Variants in XPO7 observed in about 807,000 individuals in gnomAD.
The protein encoded by XPO7 is exportin 7.
XPO7 carries 21 observed loss-of-function variants against 144.3 expected under a neutral mutation model. The ratio of observed to expected loss-of-function variants is 0.15; its 90% CI spans 0.10 to 0.21. The LOEUF (loss-of-function observed/expected upper bound fraction) is 0.21, where lower values mean the gene tolerates loss of function less well. Among genes scored for constraint, XPO7 ranks in the 10% least tolerant of loss-of-function variants. The pLI, the probability that XPO7 is intolerant of heterozygous loss-of-function variation, is 1.00. For missense variants in XPO7, 808 were observed against 1,325.8 expected (o/e 0.61, Z 6.06); for synonymous variants, 580 against 499.6 (o/e 1.16, Z -2.15).
At chr8:21,999,492 T>G in intron 23 of XPO7, 44 bp from the exon 24 acceptor site, 6 of 1,611,152 alleles carry the variant, frequency 3.7e-6, no homozygotes, top group Non-Finnish European at 4.2e-6. Flanking sequence ...CATGCTGGAG[T>G]GCATAGTGCC....
Position 21,946,059 on chromosome 8 carries a change from G to A in XPO7, c.19-20798G>A, listed in dbSNP as rs1315590728. ...CAGAAACAGGAAAATGGAGGTACTCGGGATTTCCATAGATTTATGTCAACA... is the reference window on the plus strand; with the variant it reads ...CAGAAACAGGAAAATGGAGGTACTCAGGATTTCCATAGATTTATGTCAACA... On this transcript the variant is annotated intron_variant, in intron 1 of 27. Transcript: ENST00000252512. Among the ~76,000 whole-genome samples the A allele has an allele frequency of 5.9e-5, 9 of 152,072 alleles. No individual in the cohort carries two copies. The East Asian group carries it at 1.5e-3, about 26-fold the overall frequency.
At chr8:21,972,581 T>C (rs570298606) in intron 5 of XPO7, among the ~76,000 whole-genome samples, 2 of 152,204 alleles carry the variant, frequency 1.3e-5, no homozygotes, top group Non-Finnish European at 2.9e-5. Context: ...CTATATACTT[T>C]AAATTTTTTA....
At chr8:21,923,875 A>G (rs1810373775) in intron 1 of XPO7, among the ~76,000 whole-genome samples, 1 of 152,216 alleles carries the variant, frequency 6.6e-6, no homozygotes, top group Non-Finnish European at 1.5e-5. Flanking sequence ...TGTAGGTACA[A>G]CTACTGAGGC....
chr8:21,996,474 A>C (rs530080444), intron 21 of XPO7, among the ~76,000 whole-genome samples: 2 of 152,342 alleles, frequency 1.3e-5, no homozygotes, highest in African/African-American at 4.8e-5. Context: ...AAATTTGGCA[A>C]CCAAGATTCT....
chr8:21,990,430 C>T (rs773128640), intron 17 of XPO7, 23 bp downstream of exon 17: 1 of 1,612,430 alleles, frequency 6.2e-7, no homozygotes, highest in Middle Eastern at 1.6e-4. Flanking sequence ...AGCTTTTTTT[C>T]CTGGCCCTCC....
chr8:21,980,570 A>C (rs1812371951), intron 9 of XPO7, among the ~76,000 whole-genome samples: 1 of 152,146 alleles, frequency 6.6e-6, no homozygotes, highest in South Asian at 2.1e-4. Context: ...TCAGGAGCTC[A>C]AGACCAGCCT....
At chr8:21,967,081 T>C (rs1001876192) in intron 2 of XPO7, 78 bp downstream of exon 2, 153 of 1,523,110 alleles carry the variant, frequency 1.0e-4, no homozygotes, top group Non-Finnish European at 1.3e-4. Context: ...AGGAATGGCA[T>C]GGGATGGCTT....
intron 12 of XPO7, among the ~76,000 whole-genome samples, 200 bp downstream of exon 12, chr8:21,985,039 G>A (rs1483102428): frequency 6.6e-6 from 1 of 151,056 alleles, no homozygotes. Context: ...ATCTGCAGTG[G>A]GATTTTGTTT....
chr8:21,988,977 C>CTTTTTTTTTT, intron 15 of XPO7, 26 bp from the exon 16 acceptor site: 2 of 1,433,570 alleles, frequency 1.4e-6, no homozygotes, highest in Non-Finnish European at 9.5e-7. Flanking sequence ...GGGTCTCCTG[C>CTTTTTTTTTT]TTTTTTTTTT....
chr8:21,990,480 T>TA, intron 17 of XPO7, 73 bp downstream of exon 17: 2 of 1,542,576 alleles, frequency 1.3e-6, no homozygotes, highest in Non-Finnish European at 1.8e-6. Flanking sequence ...ATAAAGGAGA[T>TA]ATGTAAACTG....
At chr8:21,971,342 C>T (rs963485465) in intron 4 of XPO7, among the ~76,000 whole-genome samples, 1 of 152,212 alleles carries the variant, frequency 6.6e-6, no homozygotes, top group African/African-American at 2.4e-5. Context: ...AGAGGACCTG[C>T]TTACCTCAGC....
At position 22,003,983 on chromosome 8, in the gene XPO7, C is replaced by T. The variant is rs1767547227; in HGVS notation, c.3123C>T (p.Asn1041=). The T allele has an allele frequency of 6.2e-7, 1 of 1,613,826 alleles. No individual in the cohort carries two copies. The highest frequency in any genetic ancestry group is 8.5e-7 in the Non-Finnish European group (1 of 1,179,850). The change falls in exon 27 of 28, where the codon AAC becomes AAT. Residue 1041 remains asparagine, a synonymous_variant. Transcript: ENST00000252512. ...AGGCCATGCACCTGTGTTTTGAGAA[C>T]CTGATGGAAGGCATCGAGCGAAATC... ...KQQAMHLCFE[N]LMEGIERNLL...
At chr8:21,974,112 A>G (rs990511053) in intron 5 of XPO7, among the ~76,000 whole-genome samples, 1 of 152,056 alleles carries the variant, frequency 6.6e-6, no homozygotes, top group Non-Finnish European at 1.5e-5. Flanking sequence ...GCTGGAGTGC[A>G]GTGCAGCCAC....
At chr8:21,941,962 T>G (rs1171159489) in intron 1 of XPO7, among the ~76,000 whole-genome samples, 1 of 152,138 alleles carries the variant, frequency 6.6e-6, no homozygotes, top group African/African-American at 2.4e-5. Context: ...CACACATAGA[T>G]GCTAAAACCA....
In XPO7 at chr8:21,989,004, A is replaced by T. The variant is rs1378286228; in HGVS notation, c.1789A>T (p.Ile597Phe). 1 of 1,612,942 alleles carries T rather than the reference A, an allele frequency of 6.2e-7. No homozygotes were observed. The highest frequency in any genetic ancestry group is 8.5e-7 in the Non-Finnish European group (1 of 1,179,684). Residue 597 changes from isoleucine (I) to phenylalanine (F), a missense_variant and splice_region_variant, in exon 16 of 28, where the codon ATC (isoleucine) becomes TTC (phenylalanine). Physicochemically the swap from Ile to Phe is conservative, Grantham distance 21 (BLOSUM62 0). This residue lies in a region of XPO7 where 416 missense variants were observed against 612.5 expected (regional missense o/e 0.68). Coordinates refer to ENST00000252512, the MANE Select transcript of XPO7 (RefSeq NM_015024.5). ...MVLSVFIGKI[I>F]TNLKYWGRCE... ...TTTTTTTTTCTTTTTGTCCTCCAGC[A>T]TCACCAACTTGAAGTACTGGGGCCG...
intron 1 of XPO7, among the ~76,000 whole-genome samples, chr8:21,941,905 T>C (rs1228292442): frequency 6.6e-6 from 1 of 151,960 alleles, no homozygotes; most frequent in African/African-American, 2.4e-5. Context: ...GGCTGCCAAT[T>C]TTTTTTTCTG....
Position 21,966,915 on chromosome 8 carries a change from C to T in XPO7, c.77C>T (p.Thr26Ile). Residue 26 changes from threonine to isoleucine, a missense_variant, in exon 2 of 28, where the codon ACT (threonine) becomes ATT (isoleucine). Coordinates refer to ENST00000252512, the MANE Select transcript of XPO7 (RefSeq NM_015024.5). ...KQLYETTDTTTRLQAEKALVE... is the reference protein window; with the variant it reads ...KQLYETTDTTIRLQAEKALVE... ...CTGTATGAAACCACAGACACAACCA[C>T]TCGACTCCAGGCAGAGAAAGCCTTG... 1.2e-6 allele frequency: 2 copies of T among 1,614,000 alleles called. No individual in the cohort carries two copies. The highest frequency in any genetic ancestry group is 1.7e-6 in the Non-Finnish European group (2 of 1,179,882).
At chr8:21,937,887 A>G (rs1810870899) in intron 1 of XPO7, among the ~76,000 whole-genome samples, 1 of 152,224 alleles carries the variant, frequency 6.6e-6, no homozygotes, top group African/African-American at 2.4e-5. Flanking sequence ...TATAAAGTAG[A>G]TACAAATTTT....
intron 24 of XPO7, among the ~76,000 whole-genome samples, chr8:22,001,261 G>C (rs1299672164): frequency 2.0e-5 from 3 of 151,358 alleles, no homozygotes; most frequent in Non-Finnish European, 2.9e-5. Context: ...AGCCGAGATC[G>C]TGCCACTTCT....
Sources: allele counts gnomAD v4.1 joint callset (sites outside exome capture counted in the v4.1 genomes callset), GRCh38; gene constraint gnomAD v4.1.1; regional missense constraint gnomAD v4.1.1; transcripts MANE v1.5; gene names NCBI Gene and HGNC (gene_info 2026-07-23, HGNC 2026-07-21).